The following KIF16B variants were observed in gnomAD, a reference collection of about 807,000 sequenced individuals.
The protein encoded by KIF16B is kinesin family member 16B, also known as kinesin-like protein KIF16B.
A neutral mutation model predicts 156.3 loss-of-function variants in KIF16B; 98 were observed. The observed-to-expected ratio is 0.63, with a 90% CI of 0.53 to 0.74. KIF16B has a LOEUF of 0.74. KIF16B is among the 30% of genes least tolerant of loss of function. The pLI, the probability that KIF16B is intolerant of heterozygous loss-of-function variation, is 0.00. For synonymous variants in KIF16B, 564 were observed against 583.7 expected, an observed-to-expected ratio of 0.97 and a Z score of 0.49; for missense variants, 1,421 against 1,606.5, an observed-to-expected ratio of 0.88 and a Z score of 1.97.
intron 12 of KIF16B, among the ~76,000 whole-genome samples, chr20:16,493,243 T>C (rs2068351079): frequency 6.6e-6 from 1 of 152,156 alleles, no homozygotes; most frequent in South Asian, 2.1e-4. Context: ...TCTGATCTCA[T>C]GAGATACAAT....
chr20:16,327,382 C>T (rs1341541012), intron 24 of KIF16B, among the ~76,000 whole-genome samples: 5 of 151,878 alleles, frequency 3.3e-5, no homozygotes, highest in Admixed American at 6.6e-5. Context: ...TCTCAGAAAT[C>T]GCCACTAACC....
intron 23 of KIF16B, among the ~76,000 whole-genome samples, chr20:16,339,590 G>A (rs74948471): frequency 0.08 from 12,231 of 152,068 alleles, 536 homozygotes; most frequent in African/African-American, 0.086. Context: ...TGTCTAATAC[G>A]CATCTCACAC....
At chr20:16,412,745 G>C (rs901296369) in intron 15 of KIF16B, among the ~76,000 whole-genome samples, 1 of 152,020 alleles carries the variant, frequency 6.6e-6, no homozygotes, top group Admixed American at 6.6e-5. Context: ...GGGGATTATG[G>C]GAACTACAAT....
intron 15 of KIF16B, among the ~76,000 whole-genome samples, chr20:16,410,239 A>C (rs527572544): frequency 6.8e-6 from 1 of 146,576 alleles, no homozygotes; most frequent in South Asian, 2.1e-4. Flanking sequence ...ACATATATGT[A>C]GGTACATATA....
At chr20:16,372,993 C>T (rs546540986) in intron 20 of KIF16B, among the ~76,000 whole-genome samples, 5 of 152,170 alleles carry the variant, frequency 3.3e-5, no homozygotes, top group East Asian at 1.9e-4. Flanking sequence ...CCACCATGCC[C>T]GGCCGGATGG....
At chr20:16,362,108 GA>G (rs2064563071) in intron 22 of KIF16B, among the ~76,000 whole-genome samples, 1 of 152,208 alleles carries the variant, frequency 6.6e-6, no homozygotes, top group African/African-American at 2.4e-5. Context: ...GACCCTCAGG[GA>G]AAAGTGGATA....
At chr20:16,431,405 C>T (rs1257432212) in intron 12 of KIF16B, among the ~76,000 whole-genome samples, 2 of 152,126 alleles carry the variant, frequency 1.3e-5, no homozygotes, top group Non-Finnish European at 2.9e-5. Flanking sequence ...TGCCGCTCTC[C>T]CCTTTGCTCA....
Position 16,391,777 on chromosome 20 carries a change from G to A in KIF16B, c.1785-10030C>T, listed in dbSNP as rs545709844. Among the ~76,000 whole-genome samples, 18 of 152,314 alleles carry A rather than the reference G, an allele frequency of 1.2e-4. 1 individual carries two copies. The highest frequency in any genetic ancestry group is 9.8e-4 in the Admixed American group (15 of 15,304). On this transcript the variant is annotated intron_variant, in intron 17 of 25. Transcript: ENST00000354981. ...AGGGAGCTAGGGTGGACACCACTCA[G>A]GGCCTTTCAGGTCACAGAGGGCAGA...
At chr20:16,564,776 A>C (rs948543310) in intron 1 of KIF16B, among the ~76,000 whole-genome samples, 1 of 152,192 alleles carries the variant, frequency 6.6e-6, no homozygotes, top group Non-Finnish European at 1.5e-5. Context: ...GAAGGGCAGC[A>C]ACAGGCTACC....
intron 11 of KIF16B, among the ~76,000 whole-genome samples, chr20:16,496,184 A>G (rs1027966071): frequency 7.9e-5 from 12 of 152,192 alleles, no homozygotes; most frequent in Non-Finnish European, 1.6e-4. Flanking sequence ...TTCTCTCCCT[A>G]CAGATGGGGA....
At chr20:16,462,239 C>CT (rs2067365839) in intron 12 of KIF16B, among the ~76,000 whole-genome samples, 1 of 131,196 alleles carries the variant, frequency 7.6e-6, no homozygotes, top group Non-Finnish European at 1.6e-5. Context: ...AAAACTCCAT[C>CT]TCAAAAAAAA....
intron 15 of KIF16B, among the ~76,000 whole-genome samples, chr20:16,413,706 GC>G (rs1205308371): frequency 1.6e-5 from 2 of 125,406 alleles, no homozygotes; most frequent in Non-Finnish European, 1.7e-5. Flanking sequence ...AACACCCCCT[GC>G]CCCCCACCAA....
intron 1 of KIF16B, among the ~76,000 whole-genome samples, chr20:16,554,955 C>G (rs886932544): frequency 6.6e-6 from 1 of 152,250 alleles, no homozygotes; most frequent in Non-Finnish European, 1.5e-5. Context: ...CACACTCGCT[C>G]ACACACCCTT....
intron 12 of KIF16B, among the ~76,000 whole-genome samples, chr20:16,451,171 C>T (rs142008367): frequency 2.0e-5 from 3 of 152,192 alleles, no homozygotes; most frequent in Non-Finnish European, 4.4e-5. Flanking sequence ...TAGAGCAAGT[C>T]GTTCAGCGTC....
chr20:16,296,290 G>C (rs768481906), intron 25 of KIF16B, among the ~76,000 whole-genome samples: 13 of 152,146 alleles, frequency 8.5e-5, no homozygotes, highest in Non-Finnish European at 1.5e-4. Context: ...ATCTACTTCT[G>C]CTTCAGAGGC....
At chr20:16,401,098 G>GAGAAAGAAAAA (rs2065645400) in intron 17 of KIF16B, among the ~76,000 whole-genome samples, 1 of 147,192 alleles carries the variant, frequency 6.8e-6, no homozygotes, top group African/African-American at 2.5e-5. Flanking sequence ...AAAGTATGAT[G>GAGAAAGAAAAA]AAGTATTAAA....
intron 25 of KIF16B, among the ~76,000 whole-genome samples, chr20:16,281,258 G>A (rs1259607928): frequency 6.6e-6 from 1 of 152,184 alleles, no homozygotes; most frequent in East Asian, 1.9e-4. Context: ...AACAGAGAAA[G>A]GAGTTCAGTG....
intron 23 of KIF16B, among the ~76,000 whole-genome samples, chr20:16,350,588 G>C (rs942457200): frequency 1.3e-5 from 2 of 151,918 alleles, no homozygotes; most frequent in African/African-American, 2.4e-5. Flanking sequence ...GCTTGGACTC[G>C]GACACAATCA....
intron 1 of KIF16B, among the ~76,000 whole-genome samples, chr20:16,568,846 A>G (rs1441769522): frequency 1.5e-5 from 2 of 129,130 alleles, no homozygotes; most frequent in Non-Finnish European, 3.4e-5. Flanking sequence ...AAAAAAAAAA[A>G]AAAAAAGGCA....
Sources: gnomAD v4.1 joint callset for allele counts (sites outside exome capture counted in the v4.1 genomes callset) on GRCh38, gnomAD v4.1.1 for gene constraint, MANE v1.5 for transcripts, NCBI Gene and HGNC (gene_info 2026-07-23, HGNC 2026-07-21) for gene names.